YLPM1: variants seen among roughly 807,000 people sequenced by gnomAD.
The protein encoded by YLPM1 is YLP motif containing 1.
Under a neutral mutation model 230.0 loss-of-function variants are expected in YLPM1, and 99 were observed. The observed-to-expected ratio is 0.43, with a 90% CI of 0.37 to 0.51. YLPM1 has a LOEUF of 0.51. Ranked by LOEUF, YLPM1 falls within the 20% of genes least tolerant of loss-of-function variation. The probability of loss-of-function intolerance (pLI) is 0.00; values close to 1 mark genes in which losing one functional copy is unlikely to be tolerated. For missense variants in YLPM1, 2,592 were observed against 2,707.7 expected, an observed-to-expected ratio of 0.96 and a Z score of 0.95; for synonymous variants, 984 against 942.5, an observed-to-expected ratio of 1.04 and a Z score of -0.81.
At chr14:74,832,898 A>G (rs1018540432) in intron 19 of YLPM1, among the ~76,000 whole-genome samples, 6 of 152,152 alleles carry the variant, frequency 3.9e-5, no homozygotes, top group South Asian at 4.1e-4. Flanking sequence ...TAGAATTTAA[A>G]CTGTAGATTT....
In YLPM1 at chr14:74,799,243, C is replaced by T; in HGVS notation, c.3946C>T (p.Leu1316=). 2 of 1,613,970 alleles carry T rather than the reference C, an allele frequency of 1.2e-6. No homozygotes were observed. Among genetic ancestry groups the T allele is most frequent in the Non-Finnish European group, 1.7e-6 (2 of 1,179,878 alleles). Residue 1316 remains leucine, a synonymous_variant, in exon 5 of 21, where the codon CTG becomes TTG. Coordinates refer to ENST00000325680, the MANE Select transcript of YLPM1 (RefSeq NM_019589.3). ...GTGGGACAGAGATTATGGGAGACCA[C>T]TGGATGAACAAGAATCACAGTTTCG... is the stretch of plus-strand genomic sequence containing the variant. ...NEWDRDYGRP[L]DEQESQFRER...
rs1336393563 is a variant in YLPM1, at chr14:74,763,332, C to G, written c.-158C>G. 4.6e-6 allele frequency: 4 copies of G among 860,772 alleles called. No individual in the cohort carries two copies. The highest frequency in any genetic ancestry group is 8.6e-5 in the South Asian group (2 of 23,256). 53.3% of individuals were successfully genotyped at this position (860,772 alleles called of 1,614,324 possible). A position where few individuals can be genotyped will look rare whatever the true frequency, so the allele number is the denominator to read the frequency against. On this transcript the variant is annotated 5_prime_UTR_variant, in exon 1 of 21. Coordinates refer to ENST00000325680, the MANE Select transcript of YLPM1 (RefSeq NM_019589.3). ...CGTCCCCGCCTTCCCGGTCGCGGGCCCAGCTCGGGAGCGCCGGCGCACTGG... is the reference window on the plus strand; with the variant it reads ...CGTCCCCGCCTTCCCGGTCGCGGGCGCAGCTCGGGAGCGCCGGCGCACTGG...
At chr14:74,766,223 G>C (rs2090909800) in intron 1 of YLPM1, among the ~76,000 whole-genome samples, 1 of 152,286 alleles carries the variant, frequency 6.6e-6, no homozygotes, top group African/African-American at 2.4e-5. Flanking sequence ...TCATGTTCTA[G>C]ACTTAGGATA....
At position 74,764,144 on chromosome 14, in the gene YLPM1, A is replaced by T; in HGVS notation, c.655A>T (p.Ser219Cys). 4.3e-6 allele frequency: 7 copies of T among 1,612,918 alleles called. No homozygotes were observed. Among genetic ancestry groups the T allele is most frequent in the Non-Finnish European group, 5.9e-6 (7 of 1,179,648 alleles). The change falls in exon 1 of 21, where the codon AGC becomes TGC. Residue 219 changes from serine to cysteine, a missense_variant. This residue lies in a region of YLPM1 where 1,862 missense variants were observed against 1,819.8 expected (regional missense o/e 1.02). Coordinates refer to ENST00000325680, the MANE Select transcript of YLPM1 (RefSeq NM_019589.3). ...SSSSSSQSYLSHSQSYLPSSQ... is the reference protein window; with the variant it reads ...SSSSSSQSYLCHSQSYLPSSQ... ...CTCCTCTTCCTCGCAATCCTATTTG[A>T]GCCATTCCCAGTCCTACTTGCCCTC...
intron 1 of YLPM1, among the ~76,000 whole-genome samples, chr14:74,777,403 TA>T (rs1417571444): frequency 6.7e-6 from 1 of 149,912 alleles, no homozygotes; most frequent in Admixed American, 6.7e-5. Flanking sequence ...CCATCTCTAC[TA>T]AAAATAAAAA....
chr14:74,802,359 A>C (rs986952795), intron 5 of YLPM1, among the ~76,000 whole-genome samples, 197 bp from the exon 6 acceptor site: 1 of 152,190 alleles, frequency 6.6e-6, no homozygotes, highest in Non-Finnish European at 1.5e-5. Context: ...AATTATTTAT[A>C]TGTCTTAAAT....
At chr14:74,817,964 G>A (rs2091492450) in intron 15 of YLPM1, among the ~76,000 whole-genome samples, 1 of 151,688 alleles carries the variant, frequency 6.6e-6, no homozygotes, top group Admixed American at 6.6e-5. Context: ...GCTGAAGTGG[G>A]AAGATCACTT....
At chr14:74,776,949 G>A (rs1328340924) in intron 1 of YLPM1, among the ~76,000 whole-genome samples, 3 of 151,986 alleles carry the variant, frequency 2.0e-5, no homozygotes, top group African/African-American at 7.3e-5. Context: ...CCAGTTACTC[G>A]GGAGGTTGAA....
At chr14:74,814,298 T>G (rs2091459842) in intron 11 of YLPM1, among the ~76,000 whole-genome samples, 1 of 152,172 alleles carries the variant, frequency 6.6e-6, no homozygotes, top group South Asian at 2.1e-4. Context: ...GAGGCGGAGC[T>G]TGCAGTGAGC....
chr14:74,817,157 A>G (rs1011044199), intron 14 of YLPM1, 37 bp from the exon 15 acceptor site: 3 of 1,595,218 alleles, frequency 1.9e-6, no homozygotes. Context: ...TGTAAATGTT[A>G]TATATCTTTG....
chr14:74,817,926 T>C (rs1289864733), intron 15 of YLPM1, among the ~76,000 whole-genome samples: 1 of 151,892 alleles, frequency 6.6e-6, no homozygotes, highest in African/African-American at 2.4e-5. Context: ...CATGGTGTCA[T>C]GTGCCTGTGG....
rs886386204 is a variant in YLPM1 at position 74,826,311 on chromosome 14, AGGATCTTGTGTC to A, written c.6163+2014_6163+2025del. Among the ~76,000 whole-genome samples the A allele has an allele frequency of 5.9e-5, 9 of 152,304 alleles. No individual in the cohort carries two copies. In the East Asian group the frequency reaches 1.7e-3, roughly 29 times the overall value. On this transcript the variant is annotated intron_variant, in intron 18 of 20. Transcript: ENST00000325680. ...TGAGAAGATTCTTCTCTAAAACATG[AGGATCTTGTGTC>A]GGATCTTGTAGCCTATTTATGTTGC...
chr14:74,764,620 T>TTCCTTGGTTTCTTTGACCA (rs2090893289), intron 1 of YLPM1, among the ~76,000 whole-genome samples: 1 of 152,250 alleles, frequency 6.6e-6, no homozygotes, highest in African/African-American at 2.4e-5. Flanking sequence ...CTCAGATACA[T>TTCCTTGGTTTCTTTGACCA]TCCTTGGTTT....
chr14:74,831,743 C>G (rs1349202275), intron 19 of YLPM1, among the ~76,000 whole-genome samples: 1 of 152,174 alleles, frequency 6.6e-6, no homozygotes, highest in East Asian at 1.9e-4. Flanking sequence ...CTACAGGTAG[C>G]AAAGAATACA....
At chr14:74,800,493 A>G (rs1485156671) in intron 5 of YLPM1, among the ~76,000 whole-genome samples, 1 of 152,238 alleles carries the variant, frequency 6.6e-6, no homozygotes, top group Non-Finnish European at 1.5e-5. Flanking sequence ...TTTAGAAGTC[A>G]GTGACAGATT....
At chr14:74,813,172 A>G (rs1016267814) in intron 11 of YLPM1, among the ~76,000 whole-genome samples, 2 of 152,242 alleles carry the variant, frequency 1.3e-5, no homozygotes, top group Non-Finnish European at 2.9e-5. Context: ...GTCTTATTAC[A>G]GAATAATTAG....
At position 74,778,429 on chromosome 14, in the gene YLPM1, A is replaced by G; in HGVS notation, c.874-18A>G. The G allele has an allele frequency of 6.4e-7, 1 of 1,570,856 alleles. No homozygotes were observed. Among genetic ancestry groups the G allele is most frequent in the South Asian group, 1.2e-5 (1 of 84,830 alleles). ...CATGATTGTCAATCAAAATTCTCAA[A>G]AATTGTTTCTGTTGTAGGAACAGCA... On this transcript the variant is annotated intron_variant, in intron 1 of 20. Coordinates refer to ENST00000325680, the MANE Select transcript of YLPM1 (RefSeq NM_019589.3).
At chr14:74,834,993 TTAAA>T (rs2091633451) in intron 19 of YLPM1, 1 of 326,466 alleles carries the variant, frequency 3.1e-6, no homozygotes, top group South Asian at 7.4e-5. Context: ...CAGTGAATTA[TTAAA>T]TAAAAAGGAA....
intron 18 of YLPM1, chr14:74,827,625 G>C (rs1357492932): frequency 1.0e-6 from 1 of 985,264 alleles, no homozygotes; most frequent in Non-Finnish European, 1.2e-6. Context: ...ACTGAAATAT[G>C]AAATTTTTAC....
Sources: allele counts gnomAD v4.1 joint callset (sites outside exome capture counted in the v4.1 genomes callset), GRCh38; gene constraint gnomAD v4.1.1; regional missense constraint gnomAD v4.1.1; transcripts MANE v1.5; gene names NCBI Gene and HGNC (gene_info 2026-07-23, HGNC 2026-07-21).